TNRC6A: variants seen among roughly 807,000 people sequenced by gnomAD.
TNRC6A encodes trinucleotide repeat containing adaptor 6A.
TNRC6A carries 44 observed loss-of-function variants against 221.2 expected under a neutral mutation model. That is an observed-to-expected ratio of 0.20 (90% CI 0.16 to 0.26). The LOEUF (loss-of-function observed/expected upper bound fraction) is 0.26, where lower values mean the gene tolerates loss of function less well. Among genes scored for constraint, TNRC6A ranks in the 10% least tolerant of loss-of-function variants. The probability of loss-of-function intolerance (pLI) is 1.00; values close to 1 mark genes in which losing one functional copy is unlikely to be tolerated. For synonymous variants in TNRC6A, 847 were observed against 838.5 expected, an observed-to-expected ratio of 1.01 and a Z score of -0.18; for missense variants, 2,199 against 2,404.4, an observed-to-expected ratio of 0.91 and a Z score of 1.79.
intron 5 of TNRC6A, among the ~76,000 whole-genome samples, chr16:24,786,885 G>C (rs933554051): frequency 1.3e-5 from 2 of 152,130 alleles, no homozygotes; most frequent in African/African-American, 4.8e-5. Context: ...GTTTCACCAT[G>C]TTGGCCAGGA....
chr16:24,610,468 C>G (rs1347319451), exon 1 of TNRC6A: 1 of 152,288 alleles, frequency 6.6e-6, no homozygotes, highest in Non-Finnish European at 1.5e-5. Context: ...TTTTGCAGCC[C>G]ACTGACTCCC....
rs2058827747 is a variant in TNRC6A, at chr16:24,824,133, C to CT, written c.*326_*327insT. The CT allele has an allele frequency of 7.4e-6, 1 of 134,552 alleles. No individual in the cohort carries two copies. The highest frequency in any genetic ancestry group is 3.7e-5 in the African/African-American group (1 of 27,060). The allele number at this position is 134,552 out of a possible 1,614,324, so 8.3% of individuals were successfully genotyped here. A position where few individuals can be genotyped will look rare whatever the true frequency, so the allele number is the denominator to read the frequency against. On this transcript the variant is annotated 3_prime_UTR_variant, in exon 25 of 25. Transcript: ENST00000395799. ...TCCTTCTATTCCTCCCCAACCCCCC[C>CT]CCCCGCCCCTTTTTTTCTCTCTTGC...
rs1374970121 is a variant in TNRC6A, at chr16:24,790,643, A to C, written c.2001A>C (p.Gly667=). The C allele has an allele frequency of 6.2e-7, 1 of 1,614,222 alleles. No individual in the cohort carries two copies. The highest frequency in any genetic ancestry group is 1.1e-5 in the South Asian group (1 of 91,088). ...AAAGCAGTGTGTGGGCCAAAACAGG[A>C]GGTACAGTGGAGAGCGATGGTAGTA... The part of the protein sequence containing the change: ...NEQSSVWAKT[G]GTVESDGSTE... Residue 667 remains glycine, a synonymous_variant, in exon 6 of 25, where the codon GGA becomes GGC. Coordinates refer to ENST00000395799, the MANE Select transcript of TNRC6A (RefSeq NM_014494.4).
chr16:24,728,371 C>T (rs1375390677), upstream of TNRC6A, among the ~76,000 whole-genome samples: 2 of 151,928 alleles, frequency 1.3e-5, no homozygotes, highest in Non-Finnish European at 2.9e-5. Flanking sequence ...TGCTTGAACT[C>T]GGGAGGCGGA....
intron 2 of TNRC6A, among the ~76,000 whole-genome samples, chr16:24,707,775 A>G (rs773746860): frequency 5.3e-5 from 8 of 152,146 alleles, no homozygotes; most frequent in East Asian, 3.9e-4. Flanking sequence ...AATGGCCACA[A>G]TGGGCCAGTG....
In TNRC6A at chr16:24,804,222, A is replaced by G; in HGVS notation, c.3740A>G (p.Asn1247Ser). 1 of 1,613,556 alleles carries G rather than the reference A, an allele frequency of 6.2e-7. No homozygotes were observed. Among genetic ancestry groups the G allele is most frequent in the South Asian group, 1.1e-5 (1 of 90,946 alleles). Residue 1247 changes from asparagine to serine, a missense_variant, in exon 12 of 25, where the codon AAT (asparagine) becomes AGT (serine). Asn to Ser is a conservative substitution (Grantham distance 46). Coordinates refer to ENST00000395799, the MANE Select transcript of TNRC6A (RefSeq NM_014494.4). ...ATGGAGATAGATAAACATAGCCTAA[A>G]TATTGGTGATTACAATCGAACGGTC... ...KRMEIDKHSL[N>S]IGDYNRTVGK...
intron 2 of TNRC6A, among the ~76,000 whole-genome samples, chr16:24,679,304 T>G (rs1411386753): frequency 6.6e-6 from 1 of 151,312 alleles, no homozygotes; most frequent in Non-Finnish European, 1.5e-5. Flanking sequence ...GCCAAGACAT[T>G]GAATTTTTTT....
At chr16:24,728,143 C>T (rs1057411158), upstream of TNRC6A, among the ~76,000 whole-genome samples, 2 of 152,066 alleles carry the variant, frequency 1.3e-5, no homozygotes, top group Non-Finnish European at 2.9e-5. Context: ...GGGAGAGATT[C>T]AAGCATGTTG....
chr16:24,766,135 C>T (rs2057466492), intron 4 of TNRC6A, among the ~76,000 whole-genome samples: 1 of 152,022 alleles, frequency 6.6e-6, no homozygotes, highest in Admixed American at 6.6e-5. Flanking sequence ...TTTGTTTTTG[C>T]CCTTATAATT....
chr16:24,733,733 A>T (rs548588095), intron 2 of TNRC6A, among the ~76,000 whole-genome samples: 2 of 152,326 alleles, frequency 1.3e-5, no homozygotes, highest in South Asian at 4.1e-4. Flanking sequence ...ATAAATTTTT[A>T]GGTATGGGAG....
chr16:24,694,653 CAAAAA>C (rs145287258), intron 2 of TNRC6A, among the ~76,000 whole-genome samples: 4 of 54,824 alleles, frequency 7.3e-5, no homozygotes, highest in Non-Finnish European at 9.2e-5. Flanking sequence ...GACTCTGTCT[CAAAAA>C]AAAAAAAAAA....
upstream of TNRC6A, chr16:24,729,637 C>A (rs1342098434): frequency 1.8e-5 from 9 of 491,074 alleles, no homozygotes; most frequent in Non-Finnish European, 2.3e-5. Flanking sequence ...AAGGGGTTGC[C>A]GAGTGGGGCA....
chr16:24,783,038 A>G (rs1596699918), intron 5 of TNRC6A, among the ~76,000 whole-genome samples: 1 of 152,230 alleles, frequency 6.6e-6, no homozygotes. Flanking sequence ...GAAAATAAAT[A>G]TTTAACTGTT....
chr16:24,795,850 A>C, intron 8 of TNRC6A, 57 bp from the exon 9 acceptor site: 1 of 1,480,632 alleles, frequency 6.8e-7, no homozygotes, highest in African/African-American at 1.4e-5. Flanking sequence ...TCCAGTTCCA[A>C]ACCCCATGTT....
Position 24,730,298 on chromosome 16 carries a change from C to T in TNRC6A, c.51C>T (p.Ser17=). ...KATKDVERNL[S]RDLVQEEEQL... The stretch of plus-strand genomic sequence containing the variant: ...CCAAAGACGTAGAAAGAAATCTTAG[C>T]AGGTAAGATGGGCGAGCTTTCCGTC... The change falls in exon 2 of 25, where the codon AGC becomes AGT. Residue 17 remains serine (S), a splice_region_variant and synonymous_variant. Coordinates refer to ENST00000395799, the MANE Select transcript of TNRC6A (RefSeq NM_014494.4). The T allele has an allele frequency of 6.2e-7, 1 of 1,602,168 alleles. No homozygotes were observed. The highest frequency in any genetic ancestry group is 8.5e-7 in the Non-Finnish European group (1 of 1,175,470).
At chr16:24,769,145 AT>A (rs537414129) in intron 4 of TNRC6A, among the ~76,000 whole-genome samples, 25 of 151,974 alleles carry the variant, frequency 1.6e-4, no homozygotes, top group East Asian at 9.7e-4. Context: ...GACAATTGCT[AT>A]TTTTTTTCAA....
rs140998926 is a variant in TNRC6A at position 24,709,164 on chromosome 16, G to A, written n.403-41562G>A. ...TCCAGCTACTCGGGAGGCTGAGGCAGGAGAATTGCTTGAACCCAGGAGGTG... is the reference window on the plus strand; with the variant it reads ...TCCAGCTACTCGGGAGGCTGAGGCAAGAGAATTGCTTGAACCCAGGAGGTG... On this transcript the variant is annotated intron_variant and non_coding_transcript_variant, in intron 2 of 2. Transcript: ENST00000566108. Among the ~76,000 whole-genome samples the A allele has an allele frequency of 7.3e-3, 1,104 of 152,186 alleles. 35 individuals are homozygous for A. Among genetic ancestry groups the A allele is most frequent in the East Asian group, 0.024 (122 of 5,166 alleles).
At chr16:24,666,538 G>T (rs913016292) in intron 2 of TNRC6A, among the ~76,000 whole-genome samples, 3 of 146,436 alleles carry the variant, frequency 2.0e-5, no homozygotes, top group Non-Finnish European at 4.5e-5. Flanking sequence ...TACTCAGGAG[G>T]TTGAGGTGGA....
At position 24,805,648 on chromosome 16, in the gene TNRC6A, T is replaced by G. The variant is rs1404650834; in HGVS notation, c.4166T>G (p.Leu1389Arg). ...AAGTATGCACCAAACAACGGTGGCC[T>G]GAATCCACTCTTTGGCCCTCAACAG... ...LLKYAPNNGG[L>R]NPLFGPQQVA... The change falls in exon 15 of 25, where the codon CTG (leucine) becomes CGG (arginine). Residue 1389 changes from leucine (L) to arginine (R), a missense_variant. Physicochemically the swap from Leu to Arg is moderately radical, Grantham distance 102. Transcript: ENST00000395799. The G allele has an allele frequency of 1.2e-6, 2 of 1,614,260 alleles. No homozygotes were observed. Among genetic ancestry groups the G allele is most frequent in the South Asian group, 2.2e-5 (2 of 91,092 alleles).
Sources: gnomAD v4.1 joint callset for allele counts (sites outside exome capture counted in the v4.1 genomes callset) on GRCh38, gnomAD v4.1.1 for gene constraint, MANE v1.5 for transcripts, NCBI Gene and HGNC (gene_info 2026-07-23, HGNC 2026-07-21) for gene names.